Variants in AMMECR1 observed in about 807,000 individuals in gnomAD.
AMMECR1 encodes nuclear protein AMMECR1.
A neutral mutation model predicts 22.5 loss-of-function variants in AMMECR1; 3 were observed. That is an observed-to-expected ratio of 0.13 (90% CI 0.06 to 0.35). The LOEUF is 0.35. Among genes scored for constraint, AMMECR1 ranks in the 10% least tolerant of loss-of-function variants. The probability of loss-of-function intolerance (pLI) is 1.00; values close to 1 mark genes in which losing one functional copy is unlikely to be tolerated. For missense variants in AMMECR1, 235 were observed against 278.7 expected (o/e 0.84, Z 1.12); for synonymous variants, 130 against 116.7 (o/e 1.11, Z -0.74).
At chrX:110,264,323 A>T (rs2067756481) in intron 2 of AMMECR1, among the ~76,000 whole-genome samples, 166 bp downstream of exon 2, 1 of 111,798 alleles carries the variant, frequency 8.9e-6, no homozygotes, top group Admixed American at 9.5e-5. Flanking sequence ...TATATCAATA[A>T]CATTTTACCA....
intron 2 of AMMECR1, among the ~76,000 whole-genome samples, chrX:110,259,919 A>G (rs1236930477): frequency 9.0e-6 from 1 of 111,291 alleles, no homozygotes; most frequent in Non-Finnish European, 1.9e-5. Flanking sequence ...ATATTCATCT[A>G]TATTAGTGGT....
chrX:110,410,432 G>A (rs1030761496), intron 2 of AMMECR1, among the ~76,000 whole-genome samples: 2 of 112,176 alleles, frequency 1.8e-5, no homozygotes, highest in South Asian at 3.8e-4. Flanking sequence ...TATCTTTGAC[G>A]ATGTCTATCC....
chrX:110,413,113 G>T (rs910430592), intron 2 of AMMECR1, among the ~76,000 whole-genome samples: 3 of 111,072 alleles, frequency 2.7e-5, no homozygotes, highest in Non-Finnish European at 3.8e-5. Flanking sequence ...ACTGCTCAGT[G>T]CTCCCATCCC....
chrX:110,377,375 T>C (rs765452845), intron 2 of AMMECR1, among the ~76,000 whole-genome samples: 51 of 111,958 alleles, frequency 4.6e-4, no homozygotes, highest in African/African-American at 1.5e-3. Context: ...ATACCTACAG[T>C]CTTCCAGGAA....
At chrX:110,267,277 A>G (rs771212771) in intron 1 of AMMECR1, among the ~76,000 whole-genome samples, 123 of 111,070 alleles carry the variant, frequency 1.1e-3, no homozygotes, top group Middle Eastern at 4.7e-3. Flanking sequence ...GTCTTCCACA[A>G]TGGTTGAACT....
At position 110,338,727 on chromosome X, in the gene AMMECR1, A is replaced by T. The variant is rs764057843; in HGVS notation, c.-147-20878T>A. Among the ~76,000 whole-genome samples the T allele has an allele frequency of 2.8e-4, 31 of 111,505 alleles. No individual in the cohort carries two copies. In the South Asian group the frequency reaches 0.012, roughly 43 times the overall value. The stretch of plus-strand genomic sequence containing the variant: ...CAATGGATTTTGTTCTGGAATCTGT[A>T]TGCCCTCCAGGGTCAGCTGAAACTC... On this transcript the variant is annotated intron_variant, in intron 2 of 7. Transcript: ENST00000372057.
chrX:110,265,212 A>C (rs1268977577), intron 1 of AMMECR1, among the ~76,000 whole-genome samples: 12 of 111,682 alleles, frequency 1.1e-4, no homozygotes, highest in Non-Finnish European at 2.1e-4. Flanking sequence ...GGAAAAAGGA[A>C]ATAGATACTA....
intron 2 of AMMECR1, among the ~76,000 whole-genome samples, chrX:110,373,546 T>G (rs1338880859): frequency 9.0e-6 from 1 of 111,727 alleles, no homozygotes; most frequent in Non-Finnish European, 1.9e-5. Context: ...TGCAAAAAAA[T>G]GATAAAGCAC....
At chrX:110,271,981 C>CA (rs1483731126) in intron 1 of AMMECR1, among the ~76,000 whole-genome samples, 1 of 110,706 alleles carries the variant, frequency 9.0e-6, no homozygotes, top group African/African-American at 3.3e-5. Context: ...TTTGGGAGGC[C>CA]AAAGCGGGCT....
intron 1 of AMMECR1, among the ~76,000 whole-genome samples, chrX:110,271,679 A>C (rs2067799201): frequency 8.9e-6 from 1 of 112,138 alleles, no homozygotes; most frequent in Admixed American, 9.4e-5. Context: ...TAATTGGAAA[A>C]AAATAGTATT....
At chrX:110,261,119 A>G (rs1014283090) in intron 2 of AMMECR1, among the ~76,000 whole-genome samples, 1 of 111,001 alleles carries the variant, frequency 9.0e-6, no homozygotes, top group Admixed American at 9.6e-5. Flanking sequence ...GATGGTGGTG[A>G]TGACTGTACA....
At chrX:110,400,820 T>C (rs779789743) in intron 2 of AMMECR1, among the ~76,000 whole-genome samples, 4 of 111,701 alleles carry the variant, frequency 3.6e-5, no homozygotes, top group Non-Finnish European at 5.6e-5. Flanking sequence ...GACTATTTTA[T>C]TTATGTCTGA....
chrX:110,288,015 T>G (rs909730163), intron 1 of AMMECR1, among the ~76,000 whole-genome samples: 8 of 112,096 alleles, frequency 7.1e-5, no homozygotes, highest in African/African-American at 1.9e-4. Flanking sequence ...TAGAATTTAA[T>G]ATACAGCAGT....
intron 2 of AMMECR1, among the ~76,000 whole-genome samples, chrX:110,362,967 T>C (rs989017164): frequency 1.1e-4 from 12 of 111,986 alleles, no homozygotes; most frequent in Non-Finnish European, 1.3e-4. Context: ...GCTGAAGTAA[T>C]TTGCTCAAGG....
intron 2 of AMMECR1, chrX:110,224,958 GT>G (rs745409197): frequency 1.2e-5 from 4 of 346,783 alleles, no homozygotes; most frequent in Admixed American, 9.1e-5. Flanking sequence ...TTAGTTTTTC[GT>G]TTTTTAAATT....
intron 2 of AMMECR1, among the ~76,000 whole-genome samples, chrX:110,394,168 G>A (rs12392782): frequency 0.012 from 1,367 of 112,975 alleles, 10 homozygotes; most frequent in African/African-American, 0.024. Flanking sequence ...CTAAATGTAT[G>A]TGTAGCTCAC....
intron 2 of AMMECR1, among the ~76,000 whole-genome samples, chrX:110,356,378 C>T (rs1222555176): frequency 8.2e-5 from 9 of 109,723 alleles, no homozygotes; most frequent in Non-Finnish European, 1.5e-4. Flanking sequence ...TGGTCTCAAA[C>T]TCCTGACCTT....
At position 110,372,001 on chromosome X, in the gene AMMECR1, T is replaced by C. The variant is rs1464798708; in HGVS notation, c.-147-54152A>G. Among the ~76,000 whole-genome samples the C allele has an allele frequency of 1.1e-4, 12 of 111,823 alleles. No homozygotes were observed. In the Admixed American group the frequency reaches 1.1e-3, roughly 11 times the overall value. On this transcript the variant is annotated intron_variant, in intron 2 of 7. Transcript: ENST00000372057. ...GTTACCAATGCCTTCAACTCCCTTGTGTACTTGGTGTACTCCCCATTGTTA... is the reference window on the plus strand; with the variant it reads ...GTTACCAATGCCTTCAACTCCCTTGCGTACTTGGTGTACTCCCCATTGTTA...
intron 2 of AMMECR1, among the ~76,000 whole-genome samples, chrX:110,375,135 AC>A (rs2068367567): frequency 9.0e-6 from 1 of 111,505 alleles, no homozygotes; most frequent in Non-Finnish European, 1.9e-5. Context: ...AAACTGCCTG[AC>A]TAGTGAGAAT....
Sources: allele counts gnomAD v4.1 joint callset (sites outside exome capture counted in the v4.1 genomes callset), GRCh38; gene constraint gnomAD v4.1.1; transcripts MANE v1.5; gene names NCBI Gene and HGNC (gene_info 2026-07-23, HGNC 2026-07-21).